Variants in UQCR11 observed in about 807,000 individuals in gnomAD.
UQCR11 encodes the protein ubiquinol-cytochrome c reductase, complex III subunit XI, also known as cytochrome b-c1 complex subunit 10.
A neutral mutation model predicts 7.6 loss-of-function variants in UQCR11; 10 were observed. The ratio of observed to expected loss-of-function variants is 1.31; its 90% CI spans 0.81 to 2.22. The LOEUF (loss-of-function observed/expected upper bound fraction) is 2.22, where lower values mean the gene tolerates loss of function less well. Ranked by LOEUF, UQCR11 falls within the 30% of genes most tolerant of loss-of-function variation. The pLI is 0.00. For missense variants in UQCR11, 86 were observed against 75.1 expected, an observed-to-expected ratio of 1.15 and a Z score of -0.54; for synonymous variants, 34 against 34.9, an observed-to-expected ratio of 0.97 and a Z score of 0.09.
chr19:1,601,033 G>A (rs889666881), intron 1 of UQCR11, among the ~76,000 whole-genome samples: 5 of 152,194 alleles, frequency 3.3e-5, no homozygotes, highest in African/African-American at 1.2e-4. Flanking sequence ...GCCGGGCATG[G>A]TGGTGGGTGC....
rs112399375 is a variant in UQCR11, at chr19:1,600,906, C to A, written c.51-1346G>T. On this transcript the variant is annotated intron_variant, in intron 1 of 2. Transcript: ENST00000591899. ...AAAAGAGGCTGGGCGTGGTGGCTCA[C>A]GCCTGTAATCCCAGCACTTTGAGAG... 1.6e-3 allele frequency among the ~76,000 whole-genome samples: 240 copies of A among 152,304 alleles called. 1 individual carries two copies. The highest frequency in any genetic ancestry group is 5.7e-3 in the African/African-American group (235 of 41,570).
chr19:1,597,606 G>A lies in UQCR11; in HGVS notation c.*638C>T, dbSNP rs980521237. Reference sequence around the variant, plus strand: ...CGTGAGGATGCTCAAGCAGCTTCGTGTAGGGGCCCCCATGGGAAGGAACTG... The same window carrying A: ...CGTGAGGATGCTCAAGCAGCTTCGTATAGGGGCCCCCATGGGAAGGAACTG... On this transcript the variant is annotated 3_prime_UTR_variant, in exon 3 of 3. Transcript: ENST00000591899. The A allele has an allele frequency of 5.9e-5, 9 of 152,380 alleles. No individual in the cohort carries two copies. Among genetic ancestry groups the A allele is most frequent in the African/African-American group, 2.2e-4 (9 of 41,594 alleles). 9.4% of individuals were successfully genotyped at this position (152,380 alleles called of 1,614,324 possible). A position where few individuals can be genotyped will look rare whatever the true frequency, so the allele number is the denominator to read the frequency against.
At chr19:1,603,302 A>C (rs1280747805) in intron 1 of UQCR11, among the ~76,000 whole-genome samples, 2 of 152,116 alleles carry the variant, frequency 1.3e-5, no homozygotes, top group African/African-American at 4.8e-5. Context: ...AACACATAGT[A>C]GGTGCTCAAT....
intron 1 of UQCR11, among the ~76,000 whole-genome samples, chr19:1,600,538 C>T (rs1375302090): frequency 1.3e-5 from 2 of 152,108 alleles, no homozygotes; most frequent in East Asian, 1.9e-4. Flanking sequence ...ATGAGTAGAA[C>T]GCAGCATGAG....
chr19:1,601,814 G>A (rs2060747987), intron 1 of UQCR11, among the ~76,000 whole-genome samples: 1 of 152,086 alleles, frequency 6.6e-6, no homozygotes. Context: ...TATGCACACA[G>A]CACTAGATAA....
At chr19:1,603,875 C>T (rs907573499) in intron 1 of UQCR11, among the ~76,000 whole-genome samples, 16 of 152,188 alleles carry the variant, frequency 1.1e-4, no homozygotes, top group African/African-American at 2.7e-4. Flanking sequence ...ACCCTGTCCC[C>T]GACCTGTCCC....
chr19:1,601,741 A>G (rs1240979101), intron 1 of UQCR11, among the ~76,000 whole-genome samples: 1 of 152,132 alleles, frequency 6.6e-6, no homozygotes, highest in Non-Finnish European at 1.5e-5. Context: ...CAGTGCACCC[A>G]CTGAAACTGT....
At chr19:1,599,638 G>A (rs751957282) in intron 1 of UQCR11, 78 bp from the exon 2 acceptor site, 31 of 1,561,276 alleles carry the variant, frequency 2.0e-5, no homozygotes, top group South Asian at 2.3e-5. Context: ...CCGGCCCCCC[G>A]TCCTGAGCGG....
chr19:1,597,394 C>T lies in UQCR11; in HGVS notation c.*850G>A, dbSNP rs927792314. On this transcript the variant is annotated 3_prime_UTR_variant, in exon 3 of 3. Coordinates refer to ENST00000591899, the MANE Select transcript of UQCR11 (RefSeq NM_006830.4). Reference sequence around the variant, plus strand: ...AATGTCTACCAATTCTGATATTCTTCCCTTCAAAACACAGAACCTCATTCT... The same window carrying T: ...AATGTCTACCAATTCTGATATTCTTTCCTTCAAAACACAGAACCTCATTCT... 1 of 152,176 alleles carries T rather than the reference C, an allele frequency of 6.6e-6. No individual in the cohort carries two copies. Among genetic ancestry groups the T allele is most frequent in the Non-Finnish European group, 1.5e-5 (1 of 68,050 alleles). 9.4% of individuals were successfully genotyped at this position (152,176 alleles called of 1,614,324 possible).
chr19:1,602,995 G>A (rs2060751616), intron 1 of UQCR11, among the ~76,000 whole-genome samples: 1 of 152,170 alleles, frequency 6.6e-6, no homozygotes, highest in South Asian at 2.1e-4. Context: ...GGCCTAGAAG[G>A]GGTGTGGACT....
At chr19:1,600,023 G>C (rs1250926746) in intron 1 of UQCR11, among the ~76,000 whole-genome samples, 1 of 152,218 alleles carries the variant, frequency 6.6e-6, no homozygotes, top group Non-Finnish European at 1.5e-5. Flanking sequence ...CGAGGCCTCC[G>C]GTTCCAAGCT....
chr19:1,604,136 G>A (rs756132094), intron 1 of UQCR11, among the ~76,000 whole-genome samples: 1 of 152,126 alleles, frequency 6.6e-6, no homozygotes, highest in Admixed American at 6.5e-5. Flanking sequence ...GTAGAGACGG[G>A]GTTTCTCCAT....
In UQCR11 at chr19:1,597,626, G is replaced by A. The variant is rs1323931007; in HGVS notation, c.*618C>T. 6.6e-6 allele frequency: 1 copy of A among 152,078 alleles called. No homozygotes were observed. Among genetic ancestry groups the A allele is most frequent in the Non-Finnish European group, 1.5e-5 (1 of 68,010 alleles). 9.4% of individuals were successfully genotyped at this position (152,078 alleles called of 1,614,324 possible). On this transcript the variant is annotated 3_prime_UTR_variant, in exon 3 of 3. Coordinates refer to ENST00000591899, the MANE Select transcript of UQCR11 (RefSeq NM_006830.4). Reference sequence around the variant, plus strand: ...TTCGTGTAGGGGCCCCCATGGGAAGGAACTGTGGCTGTCACCGACAGCCAC... The same window carrying A: ...TTCGTGTAGGGGCCCCCATGGGAAGAAACTGTGGCTGTCACCGACAGCCAC...
At chr19:1,599,705 G>T in intron 1 of UQCR11, 145 bp from the exon 2 acceptor site, 1 of 1,310,062 alleles carries the variant, frequency 7.6e-7, no homozygotes, top group Admixed American at 2.7e-5. Flanking sequence ...GAGCCCTGAG[G>T]GCTGGCACCA....
chr19:1,603,899 G>A (rs138679459), intron 1 of UQCR11, among the ~76,000 whole-genome samples: 3 of 152,326 alleles, frequency 2.0e-5, no homozygotes, highest in Non-Finnish European at 2.9e-5. Flanking sequence ...GTCTGGGATA[G>A]AGGAAGTATG....
chr19:1,605,263 G>A (rs2060758658), intron 1 of UQCR11, 97 bp downstream of exon 1: 38 of 1,388,968 alleles, frequency 2.7e-5, no homozygotes, highest in Non-Finnish European at 3.4e-5. Context: ...GGCCCGGCCC[G>A]GCCCGGCCCC....
At chr19:1,600,508 C>T (rs995387698) in intron 1 of UQCR11, among the ~76,000 whole-genome samples, 2 of 152,050 alleles carry the variant, frequency 1.3e-5, no homozygotes, top group African/African-American at 2.4e-5. Context: ...CCACCGCGCC[C>T]GGCCGGGCAC....
rs199640241 is a variant in UQCR11 at position 1,605,447 on chromosome 19, C to G, written c.-38G>C. 323 of 1,452,366 alleles carry G rather than the reference C, an allele frequency of 2.2e-4. 1 individual carries two copies. In the African/African-American group the frequency reaches 4.5e-3, roughly 20 times the overall value. The allele number at this position is 1,452,366 out of a possible 1,614,324, so 90.0% of individuals were successfully genotyped here. A position where few individuals can be genotyped will look rare whatever the true frequency, so the allele number is the denominator to read the frequency against. ...GCACCCTCAGGATGACCCTGTCCAG[C>G]TGACCCGGCTACACTGCGCAGGCGC... On this transcript the variant is annotated 5_prime_UTR_variant, in exon 1 of 3. Transcript: ENST00000591899.
chr19:1,600,678 C>G (rs2060744805), intron 1 of UQCR11, among the ~76,000 whole-genome samples: 1 of 151,806 alleles, frequency 6.6e-6, no homozygotes, highest in African/African-American at 2.4e-5. Flanking sequence ...TTGAGACCAG[C>G]CTAGACAACA....
Sources: gnomAD v4.1 joint callset for allele counts (sites outside exome capture counted in the v4.1 genomes callset) on GRCh38, gnomAD v4.1.1 for gene constraint, MANE v1.5 for transcripts, NCBI Gene and HGNC (gene_info 2026-07-23, HGNC 2026-07-21) for gene names.